AGXT2: variants seen among roughly 807,000 people sequenced by gnomAD.
AGXT2 encodes the protein alanine--glyoxylate aminotransferase 2, also known as alanine--glyoxylate aminotransferase 2, mitochondrial.
In AGXT2, 61 loss-of-function variants were observed where a neutral mutation model predicts 62.5. The ratio of observed to expected loss-of-function variants is 0.98; its 90% CI spans 0.79 to 1.21. AGXT2 has a LOEUF of 1.21. AGXT2 is among the 50% of genes most tolerant of loss of function. The probability of loss-of-function intolerance (pLI) is 0.00; values close to 1 mark genes in which losing one functional copy is unlikely to be tolerated. For synonymous variants in AGXT2, 243 were observed against 218.7 expected (o/e 1.11, Z -0.98); for missense variants, 666 against 641.5 (o/e 1.04, Z -0.41).
At chr5:35,025,895 T>A in intron 8 of AGXT2, 40 bp from the exon 9 acceptor site, 4 of 1,552,600 alleles carry the variant, frequency 2.6e-6, no homozygotes, top group Non-Finnish European at 3.6e-6. Flanking sequence ...AATAATAGCA[T>A]CAGCCCTTTC....
intron 13 of AGXT2, among the ~76,000 whole-genome samples, chr5:35,002,776 T>TGGC (rs1554032849): frequency 1.2e-3 from 142 of 122,990 alleles, no homozygotes; most frequent in Middle Eastern, 4.3e-3. Flanking sequence ...GATAGCAGGC[T>TGGC]GGGGGGGGGG....
intron 9 of AGXT2, among the ~76,000 whole-genome samples, chr5:35,019,322 A>C (rs1766975179): frequency 6.7e-6 from 1 of 149,696 alleles, no homozygotes; most frequent in Non-Finnish European, 1.5e-5. Context: ...ACATACTTGG[A>C]AGTAAAGCTC....
At position 35,025,809 on chromosome 5, in the gene AGXT2, G is replaced by A; in HGVS notation, c.917C>T (p.Ala306Val). 6.2e-7 allele frequency: 1 copy of A among 1,614,068 alleles called. No individual in the cohort carries two copies. The highest frequency in any genetic ancestry group is 8.5e-7 in the Non-Finnish European group (1 of 1,180,004). Residue 306 changes from alanine to valine, a missense_variant, in exon 9 of 14, where the codon GCC becomes GTC. Transcript: ENST00000231420. ...TCCCCTTGCTCGCACCAGCTCAAAG[G>A]CTTCCTTTAGAAACCCCTTTGGGTA... ...VQYPKGFLKEAFELVRARGGV... is the reference protein window; with the variant it reads ...VQYPKGFLKEVFELVRARGGV...
rs759517669 is a variant in AGXT2, at chr5:35,040,638, G to T, written c.114C>A (p.Thr38=). The T allele has an allele frequency of 2.5e-6, 4 of 1,613,918 alleles. No homozygotes were observed. The highest frequency in any genetic ancestry group is 3.3e-5 in the Admixed American group (2 of 60,016). ...TGGGCTTTGTATGAAGACTGAGCTT[G>T]GTTACTGATGTCCGGGAAGTACCTA... ...LSLGTSRTSV[T]KLSLHTKPRM... The change falls in exon 2 of 14, where the codon ACC becomes ACA. Residue 38 remains threonine (T), a synonymous_variant. Transcript: ENST00000231420.
At chr5:35,040,499 T>G in intron 2 of AGXT2, 76 bp downstream of exon 2, 1 of 1,389,662 alleles carries the variant, frequency 7.2e-7, no homozygotes, top group Non-Finnish European at 1.0e-6. Context: ...TTTTGTGTCA[T>G]TCTTAAGGAA....
At chr5:35,022,173 T>A (rs548848258) in intron 9 of AGXT2, among the ~76,000 whole-genome samples, 62 of 152,304 alleles carry the variant, frequency 4.1e-4, no homozygotes, top group African/African-American at 1.4e-3. Flanking sequence ...TGGTGATTCC[T>A]CAGGGATCTA....
intron 9 of AGXT2, among the ~76,000 whole-genome samples, chr5:35,023,899 ATT>A (rs1767220846): frequency 6.6e-6 from 1 of 150,862 alleles, no homozygotes; most frequent in South Asian, 2.1e-4. Flanking sequence ...TTATTTATTT[ATT>A]TATTTATTTT....
chr5:35,028,603 GAGAGAGAGAGAGAGAGAAA>G (rs57507123), intron 7 of AGXT2, among the ~76,000 whole-genome samples: 2,332 of 91,964 alleles, frequency 0.025, 132 homozygotes, highest in African/African-American at 0.055. Flanking sequence ...GAGAGAGAGA[GAGAGAGAGAGAGAGAGAAA>G]TTCTTCTACT....
At position 35,025,866 on chromosome 5, in the gene AGXT2, C is replaced by T. The variant is rs751280396; in HGVS notation, c.871-11G>A. The T allele has an allele frequency of 1.9e-6, 3 of 1,612,942 alleles. No individual in the cohort carries two copies. The highest frequency in any genetic ancestry group is 3.3e-4 in the Middle Eastern group (2 of 6,062). ...AACTCCATTCACACCCTGCAAAAGA[C>T]CAGACCAAGAAGACCTATAATAATA... On this transcript the variant is annotated splice_polypyrimidine_tract_variant and intron_variant, in intron 8 of 13. Coordinates refer to ENST00000231420, the MANE Select transcript of AGXT2 (RefSeq NM_031900.4).
At chr5:35,037,313 T>C (rs1467311574) in intron 3 of AGXT2, among the ~76,000 whole-genome samples, 2 of 152,234 alleles carry the variant, frequency 1.3e-5, no homozygotes, top group East Asian at 3.8e-4. Context: ...CAAGGGATTT[T>C]AGAAAAGAAA....
At chr5:35,027,630 G>T (rs549356400) in intron 7 of AGXT2, among the ~76,000 whole-genome samples, 1 of 151,550 alleles carries the variant, frequency 6.6e-6, no homozygotes, top group Non-Finnish European at 1.5e-5. Context: ...TCTTGATTGC[G>T]GAGTTTTGTG....
Position 35,032,666 on chromosome 5 carries a change from T to G in AGXT2, c.769+66A>C, listed in dbSNP as rs977869209. Reference sequence around the variant, plus strand: ...ATTCAATTGTTCCCTCAGGGATGGGTCTGCCTTTATTCGTGTCCCTTCCAA... The same window carrying G: ...ATTCAATTGTTCCCTCAGGGATGGGGCTGCCTTTATTCGTGTCCCTTCCAA... On this transcript the variant is annotated intron_variant, in intron 7 of 13. Coordinates refer to ENST00000231420, the MANE Select transcript of AGXT2 (RefSeq NM_031900.4). 3.6e-5 allele frequency: 49 copies of G among 1,359,446 alleles called. No homozygotes were observed. In the Middle Eastern group the frequency reaches 6.6e-4, roughly 18 times the overall value. The allele number at this position is 1,359,446 out of a possible 1,614,324, so 84.2% of individuals were successfully genotyped here.
chr5:35,017,440 G>A (rs926647009), intron 9 of AGXT2, among the ~76,000 whole-genome samples: 47 of 152,120 alleles, frequency 3.1e-4, no homozygotes, highest in African/African-American at 1.1e-3. Context: ...ATTGAATCAT[G>A]GGGGTGGTTC....
rs1767945501 is a variant in AGXT2, at chr5:35,040,592, T to C, written c.160A>G (p.Met54Val). ...TKPRMPPCDFMPERYQSLGYN... is the reference protein window; with the variant it reads ...TKPRMPPCDFVPERYQSLGYN... ...AATCTCACCTGGTATCTTTCAGGCA[T>C]GAAGTCACATGGAGGCATTCTGGGC... The change falls in exon 2 of 14, where the codon ATG becomes GTG. Residue 54 changes from methionine (M) to valine (V), a missense_variant. Coordinates refer to ENST00000231420, the MANE Select transcript of AGXT2 (RefSeq NM_031900.4). The C allele has an allele frequency of 2.5e-6, 4 of 1,613,888 alleles. No individual in the cohort carries two copies. The highest frequency in any genetic ancestry group is 1.3e-5 in the African/African-American group (1 of 75,048).
intron 12 of AGXT2, among the ~76,000 whole-genome samples, chr5:35,006,827 GTATTATAAC>G (rs1405980749): frequency 6.6e-6 from 1 of 152,148 alleles, no homozygotes; most frequent in African/African-American, 2.4e-5. Context: ...AAGTTCTTGG[GTATTATAAC>G]TATGCGACTG....
chr5:35,019,898 C>CTTT (rs1767000551), intron 9 of AGXT2, among the ~76,000 whole-genome samples: 1 of 152,204 alleles, frequency 6.6e-6, no homozygotes, highest in African/African-American at 2.4e-5. Flanking sequence ...GATATCACCA[C>CTTT]TGATCCCACA....
intron 12 of AGXT2, among the ~76,000 whole-genome samples, chr5:35,007,685 G>A (rs150454596): frequency 1.4e-4 from 21 of 152,182 alleles, no homozygotes; most frequent in Admixed American, 5.9e-4. Flanking sequence ...ACTAACAAAT[G>A]GTTCAGCGAA....
intron 3 of AGXT2, among the ~76,000 whole-genome samples, chr5:35,037,776 T>C (rs934999111): frequency 1.3e-5 from 2 of 152,188 alleles, no homozygotes; most frequent in African/African-American, 4.8e-5. Flanking sequence ...GTGGTTAGTG[T>C]GGATGAATAT....
intron 9 of AGXT2, among the ~76,000 whole-genome samples, chr5:35,019,406 C>T (rs1353344271): frequency 1.3e-5 from 2 of 149,704 alleles, no homozygotes; most frequent in Non-Finnish European, 3.0e-5. Context: ...AACTAGAACT[C>T]AGGATTAAGA....
Sources: gnomAD v4.1 joint callset for allele counts (sites outside exome capture counted in the v4.1 genomes callset) on GRCh38, gnomAD v4.1.1 for gene constraint, MANE v1.5 for transcripts, NCBI Gene and HGNC (gene_info 2026-07-23, HGNC 2026-07-21) for gene names.